DLG2: variants seen among roughly 807,000 people sequenced by gnomAD.
DLG2 encodes the protein disks large homolog 2.
Under a neutral mutation model 132.5 loss-of-function variants are expected in DLG2, and 45 were observed. The observed-to-expected ratio is 0.34, with a 90% confidence interval of 0.27 to 0.44. DLG2 has a LOEUF of 0.44. DLG2 is among the 20% of genes least tolerant of loss of function. The pLI is 1.00. For synonymous variants in DLG2, 424 were observed against 419.6 expected (o/e 1.01, Z -0.13); for missense variants, 1,045 against 1,196.9 (o/e 0.87, Z 1.87).
chr11:83,742,701 C>T (rs1290268139), intron 18 of DLG2, among the ~76,000 whole-genome samples: 1 of 152,140 alleles, frequency 6.6e-6, no homozygotes, highest in African/African-American at 2.4e-5. Context: ...ATTTACTGGG[C>T]ACACACTACA....
At chr11:84,528,238 C>T (rs1299845440) in intron 7 of DLG2, among the ~76,000 whole-genome samples, 1 of 152,100 alleles carries the variant, frequency 6.6e-6, no homozygotes, top group African/African-American at 2.4e-5. Flanking sequence ...TAGGTAGCAT[C>T]TGAAGAGAAT....
chr11:84,755,696 T>C (rs1303643006), intron 6 of DLG2, among the ~76,000 whole-genome samples: 1 of 152,244 alleles, frequency 6.6e-6, no homozygotes, highest in African/African-American at 2.4e-5. Context: ...GTGCTGGGAT[T>C]ACAGGCATGA....
At chr11:83,805,896 G>C (rs1314249720) in intron 17 of DLG2, among the ~76,000 whole-genome samples, 1 of 152,132 alleles carries the variant, frequency 6.6e-6, no homozygotes, top group Non-Finnish European at 1.5e-5. Flanking sequence ...AGAGAATGAA[G>C]TTATTTTCCA....
chr11:84,808,224 T>C (rs2076207787), intron 6 of DLG2, among the ~76,000 whole-genome samples: 2 of 151,984 alleles, frequency 1.3e-5, no homozygotes, highest in East Asian at 1.9e-4. Flanking sequence ...ACCATACTAC[T>C]AAATAATACA....
intron 16 of DLG2, among the ~76,000 whole-genome samples, chr11:83,862,599 T>C (rs1196281674): frequency 1.3e-5 from 2 of 152,054 alleles, no homozygotes; most frequent in Admixed American, 1.3e-4. Context: ...TTAAAGTGCA[T>C]AATTGGATTG....
Position 84,534,762 on chromosome 11 carries a change from G to A in DLG2, c.358-31C>T, listed in dbSNP as rs763540068. 24 of 1,607,080 alleles carry A rather than the reference G, an allele frequency of 1.5e-5. No homozygotes were observed. In the South Asian group the frequency reaches 2.4e-4, roughly 16 times the overall value. Reference sequence around the variant, plus strand: ...AGAAAAGAAAAGAAAGGACAAGTATGTATATATCAGTGTTTGTAAAGGATA... The same window carrying A: ...AGAAAAGAAAAGAAAGGACAAGTATATATATATCAGTGTTTGTAAAGGATA... On this transcript the variant is annotated intron_variant, in intron 6 of 27. Coordinates refer to ENST00000376104, the MANE Select transcript of DLG2 (RefSeq NM_001142699.3).
intron 3 of DLG2, among the ~76,000 whole-genome samples, chr11:85,532,055 G>A (rs912786643): frequency 3.3e-5 from 5 of 151,998 alleles, no homozygotes; most frequent in African/African-American, 1.2e-4. Context: ...GAAAAAAGTT[G>A]TTTAATACAT....
At chr11:84,470,196 T>C (rs764329252) in intron 7 of DLG2, among the ~76,000 whole-genome samples, 1 of 151,736 alleles carries the variant, frequency 6.6e-6, no homozygotes, top group Non-Finnish European at 1.5e-5. Flanking sequence ...TTGGTAAACA[T>C]AGTTGAATCT....
intron 5 of DLG2, among the ~76,000 whole-genome samples, chr11:85,114,523 G>C (rs349057): frequency 0.51 from 77,696 of 151,714 alleles, 20,220 homozygotes; most frequent in African/African-American, 0.58. Context: ...ACCAGGATTC[G>C]GGGATTTGCA....
chr11:83,947,725 G>A (rs1291286759), intron 14 of DLG2, among the ~76,000 whole-genome samples: 1 of 152,156 alleles, frequency 6.6e-6, no homozygotes, highest in Non-Finnish European at 1.5e-5. Context: ...GGAAACTGAG[G>A]CACAAAGAAG....
At chr11:84,221,586 G>A (rs1381771695) in intron 8 of DLG2, among the ~76,000 whole-genome samples, 1 of 152,080 alleles carries the variant, frequency 6.6e-6, no homozygotes, top group Non-Finnish European at 1.5e-5. Flanking sequence ...TTTCCTTCTA[G>A]CTGGCTGCCC....
At chr11:85,604,968 A>T (rs1326635481) in intron 2 of DLG2, among the ~76,000 whole-genome samples, 1 of 152,248 alleles carries the variant, frequency 6.6e-6, no homozygotes, top group Non-Finnish European at 1.5e-5. Context: ...ATGGCTTAAA[A>T]AATGAAGAAT....
chr11:84,492,646 G>T (rs552239761), intron 7 of DLG2, among the ~76,000 whole-genome samples: 2 of 152,082 alleles, frequency 1.3e-5, no homozygotes, highest in Non-Finnish European at 1.5e-5. Context: ...TGTAAAATGC[G>T]TAGTGCAACA....
intron 17 of DLG2, among the ~76,000 whole-genome samples, chr11:83,811,334 A>G (rs2047202243): frequency 6.6e-6 from 1 of 152,130 alleles, no homozygotes; most frequent in Admixed American, 6.6e-5. Context: ...TTTTCTTAGT[A>G]TAATCTATGG....
At chr11:83,792,086 T>A (rs935395594) in intron 17 of DLG2, among the ~76,000 whole-genome samples, 2 of 152,216 alleles carry the variant, frequency 1.3e-5, no homozygotes, top group Admixed American at 1.3e-4. Flanking sequence ...TCATTCTACC[T>A]TTTTAATGAA....
chr11:85,017,643 G>T (rs1490113616), intron 6 of DLG2, among the ~76,000 whole-genome samples: 1 of 152,122 alleles, frequency 6.6e-6, no homozygotes, highest in Non-Finnish European at 1.5e-5. Flanking sequence ...AGAGATAAGG[G>T]ATTAATTTTA....
chr11:83,863,402 G>A (rs2061766248), intron 16 of DLG2, among the ~76,000 whole-genome samples: 1 of 152,118 alleles, frequency 6.6e-6, no homozygotes, highest in South Asian at 2.1e-4. Context: ...CATGTGCTGT[G>A]TTCTGTCTTC....
chr11:83,718,663 T>C (rs2087482318), intron 18 of DLG2, among the ~76,000 whole-genome samples: 1 of 151,742 alleles, frequency 6.6e-6, no homozygotes, highest in Non-Finnish European at 1.5e-5. Context: ...GTAAGTATAT[T>C]GGCAGGGTGG....
intron 11 of DLG2, among the ~76,000 whole-genome samples, chr11:84,033,098 A>T (rs2095753755): frequency 6.6e-6 from 1 of 152,218 alleles, no homozygotes; most frequent in African/African-American, 2.4e-5. Flanking sequence ...CACGATATCC[A>T]TTCTACAGCC....
Sources: gnomAD v4.1 joint callset for allele counts (sites outside exome capture counted in the v4.1 genomes callset) on GRCh38, gnomAD v4.1.1 for gene constraint, MANE v1.5 for transcripts, NCBI Gene and HGNC (gene_info 2026-07-23, HGNC 2026-07-21) for gene names.